PPP1R1C: variants seen among roughly 807,000 people sequenced by gnomAD.
The protein encoded by PPP1R1C is protein phosphatase 1 regulatory subunit 1C.
In PPP1R1C, 15 loss-of-function variants were observed where a neutral mutation model predicts 17.4. The observed-to-expected ratio is 0.86, with a 90% CI of 0.58 to 1.33. The LOEUF (loss-of-function observed/expected upper bound fraction) is 1.33, where lower values mean the gene tolerates loss of function less well. PPP1R1C is among the 40% of genes most tolerant of loss of function. The probability of loss-of-function intolerance (pLI) is 0.00; values close to 1 mark genes in which losing one functional copy is unlikely to be tolerated. For synonymous variants in PPP1R1C, 35 were observed against 43.1 expected (o/e 0.81, Z 0.73); for missense variants, 143 against 130.0 (o/e 1.10, Z -0.48).
At chr2:182,043,615 G>A (rs1559069524) in intron 2 of PPP1R1C, among the ~76,000 whole-genome samples, 1 of 152,102 alleles carries the variant, frequency 6.6e-6, no homozygotes, top group Admixed American at 6.5e-5. Context: ...TAGCTGATCC[G>A]GGACAACTTC....
At chr2:182,054,961 C>T (rs1687637869) in intron 2 of PPP1R1C, among the ~76,000 whole-genome samples, 1 of 152,120 alleles carries the variant, frequency 6.6e-6, no homozygotes, top group Non-Finnish European at 1.5e-5. Flanking sequence ...ACACCTGGCC[C>T]AGTGTGTTTT....
intron 4 of PPP1R1C, among the ~76,000 whole-genome samples, chr2:182,090,486 C>A (rs555696606): frequency 6.6e-6 from 1 of 152,020 alleles, no homozygotes; most frequent in Non-Finnish European, 1.5e-5. Context: ...TATTTATAAC[C>A]GGTAAAAACC....
intron 3 of PPP1R1C, among the ~76,000 whole-genome samples, 191 bp downstream of exon 3, chr2:182,061,670 G>A (rs979027196): frequency 6.6e-6 from 1 of 152,050 alleles, no homozygotes; most frequent in African/African-American, 2.4e-5. Flanking sequence ...CTCTACCTAT[G>A]TAATGCTAAC....
chr2:182,104,890 G>C (rs1689200222), intron 4 of PPP1R1C, among the ~76,000 whole-genome samples: 1 of 152,052 alleles, frequency 6.6e-6, no homozygotes, highest in Non-Finnish European at 1.5e-5. Context: ...CATGTCCTGG[G>C]CTTTTCTTTG....
chr2:181,954,686 T>C (rs1247117861), intron 1 of PPP1R1C: 1 of 152,176 alleles, frequency 6.6e-6, no homozygotes, highest in Non-Finnish European at 1.5e-5. Flanking sequence ...CCCCATTATA[T>C]TTTTGGCTGC....
chr2:182,083,963 G>A (rs1688554082), intron 4 of PPP1R1C, among the ~76,000 whole-genome samples: 1 of 152,128 alleles, frequency 6.6e-6, no homozygotes, highest in African/African-American at 2.4e-5. Context: ...CATTCTGGCT[G>A]GGGTGAGGTC....
intron 4 of PPP1R1C, among the ~76,000 whole-genome samples, chr2:182,080,596 A>AT (rs1348922376): frequency 2.0e-5 from 3 of 152,208 alleles, no homozygotes; most frequent in African/African-American, 7.2e-5. Flanking sequence ...ACAGAACTAT[A>AT]TTTCCTCTAA....
chr2:182,079,872 C>A (rs1311245514), intron 4 of PPP1R1C, among the ~76,000 whole-genome samples: 1 of 152,126 alleles, frequency 6.6e-6, no homozygotes, highest in East Asian at 1.9e-4. Context: ...CTTCCCGTGG[C>A]CTGCTCTTCT....
At chr2:182,100,692 A>G (rs1347462379) in intron 4 of PPP1R1C, among the ~76,000 whole-genome samples, 1 of 152,166 alleles carries the variant, frequency 6.6e-6, no homozygotes, top group Non-Finnish European at 1.5e-5. Flanking sequence ...CAGGAAATAA[A>G]GGCTGCCTCT....
chr2:182,033,151 T>A (rs1406250758), intron 2 of PPP1R1C, among the ~76,000 whole-genome samples: 1 of 152,162 alleles, frequency 6.6e-6, no homozygotes, highest in Non-Finnish European at 1.5e-5. Flanking sequence ...TTTCTTGCAA[T>A]TCTTTTCTTC....
chr2:182,034,423 A>C (rs1053905859), intron 2 of PPP1R1C, among the ~76,000 whole-genome samples: 6 of 152,160 alleles, frequency 3.9e-5, no homozygotes, highest in African/African-American at 1.4e-4. Flanking sequence ...TAGAAGGAAA[A>C]ATATGTACAA....
At chr2:182,116,892 A>T (rs1689600532) in intron 4 of PPP1R1C, among the ~76,000 whole-genome samples, 1 of 152,186 alleles carries the variant, frequency 6.6e-6, no homozygotes, top group Non-Finnish European at 1.5e-5. Flanking sequence ...GAACTAAGTG[A>T]TACATTAGAA....
chr2:182,058,376 G>C (rs1054446104), intron 2 of PPP1R1C, among the ~76,000 whole-genome samples: 1 of 151,984 alleles, frequency 6.6e-6, no homozygotes, highest in Non-Finnish European at 1.5e-5. Context: ...ATAAAGTCTC[G>C]TCTTCATAGC....
chr2:182,084,044 G>A (rs1249648963), intron 4 of PPP1R1C, among the ~76,000 whole-genome samples: 1 of 151,778 alleles, frequency 6.6e-6, no homozygotes, highest in Non-Finnish European at 1.5e-5. Flanking sequence ...AATGTTTGTT[G>A]GTCATTTATG....
chr2:182,019,612 T>C (rs1686357171), intron 2 of PPP1R1C, among the ~76,000 whole-genome samples: 1 of 152,188 alleles, frequency 6.6e-6, no homozygotes, highest in Non-Finnish European at 1.5e-5. Context: ...AGTTTTTACT[T>C]ATAGCTCTTT....
intron 4 of PPP1R1C, among the ~76,000 whole-genome samples, chr2:182,078,437 A>G (rs1313406067): frequency 1.3e-5 from 2 of 152,160 alleles, no homozygotes; most frequent in Admixed American, 1.3e-4. Flanking sequence ...CCACATTAAC[A>G]GCTCTATTCC....
rs1300951090 is a variant in PPP1R1C, at chr2:182,070,756, A to G, written c.241+6965A>G. On this transcript the variant is annotated intron_variant, in intron 4 of 4. Transcript: ENST00000682840. The stretch of plus-strand genomic sequence containing the variant: ...TAAAGAAAAGAGGTTTAATTGGCTT[A>G]TAGTTCCACAGGCTGTACAGGAAGC... Among the ~76,000 whole-genome samples the G allele has an allele frequency of 2.0e-5, 3 of 152,244 alleles. No individual in the cohort carries two copies. The East Asian group carries it at 5.8e-4, about 29-fold the overall frequency.
intron 4 of PPP1R1C, among the ~76,000 whole-genome samples, chr2:182,065,557 G>A (rs966741777): frequency 6.6e-6 from 1 of 152,060 alleles, no homozygotes; most frequent in Non-Finnish European, 1.5e-5. Context: ...TGCAGTTATT[G>A]AGTGTAAAAA....
chr2:181,973,880 T>C (rs889463498), intron 1 of PPP1R1C, among the ~76,000 whole-genome samples: 3 of 152,216 alleles, frequency 2.0e-5, no homozygotes, highest in African/African-American at 7.2e-5. Flanking sequence ...CTGTTTTCTT[T>C]TTAAAAAATA....
Sources: gnomAD v4.1 joint callset for allele counts (sites outside exome capture counted in the v4.1 genomes callset) on GRCh38, gnomAD v4.1.1 for gene constraint, MANE v1.5 for transcripts, NCBI Gene and HGNC (gene_info 2026-07-23, HGNC 2026-07-21) for gene names.